The following SOX5 variants were observed in gnomAD, a reference collection of about 807,000 sequenced individuals.
SOX5 encodes the protein transcription factor SOX-5.
SOX5 carries 9 observed loss-of-function variants against 92.0 expected under a neutral mutation model. That is an observed-to-expected ratio of 0.10 (90% CI 0.06 to 0.17). SOX5 has a LOEUF of 0.17. Ranked by LOEUF, SOX5 falls within the 10% of genes least tolerant of loss-of-function variation. The probability of loss-of-function intolerance (pLI) is 1.00; values close to 1 mark genes in which losing one functional copy is unlikely to be tolerated. For missense variants in SOX5, 642 were observed against 944.5 expected, an observed-to-expected ratio of 0.68 and a Z score of 4.20; for synonymous variants, 344 against 336.3, an observed-to-expected ratio of 1.02 and a Z score of -0.25.
At chr12:23,882,530 T>C (rs2097006565) in intron 2 of SOX5, among the ~76,000 whole-genome samples, 1 of 152,168 alleles carries the variant, frequency 6.6e-6, no homozygotes, top group Admixed American at 6.5e-5. Flanking sequence ...TGTGTTGATA[T>C]TGTTATTTTT....
At chr12:23,894,904 G>A (rs899998021) in intron 2 of SOX5, among the ~76,000 whole-genome samples, 1 of 152,082 alleles carries the variant, frequency 6.6e-6, no homozygotes, top group Non-Finnish European at 1.5e-5. Context: ...AGTAGAAAAG[G>A]TGGAGCAGTC....
chr12:23,675,053 T>G (rs973587), intron 6 of SOX5, among the ~76,000 whole-genome samples: 111,638 of 151,972 alleles, frequency 0.73, 41,368 homozygotes, highest in East Asian at 0.91. Flanking sequence ...AAGAAAGATT[T>G]ATCATAAAAT....
At chr12:24,460,695 G>A (rs776349030) in intron 1 of SOX5, 6 of 152,138 alleles carry the variant, frequency 3.9e-5, no homozygotes, top group Non-Finnish European at 8.8e-5. Flanking sequence ...CTTCTCTCGA[G>A]CACTCCCTCG....
intron 6 of SOX5, among the ~76,000 whole-genome samples, chr12:23,720,613 T>TA (rs774540647): frequency 3.3e-5 from 5 of 151,268 alleles, no homozygotes; most frequent in African/African-American, 1.2e-4. Context: ...AAATGATCTT[T>TA]AAAAAAAAAT....
chr12:24,534,031 TC>T (rs1374531039), intron 1 of SOX5, among the ~76,000 whole-genome samples: 3 of 151,950 alleles, frequency 2.0e-5, no homozygotes, highest in Non-Finnish European at 4.4e-5. Context: ...TACCCACCAA[TC>T]ATTATAAAAA....
At chr12:24,179,833 C>T (rs2139261060) in intron 4 of SOX5, among the ~76,000 whole-genome samples, 1 of 151,984 alleles carries the variant, frequency 6.6e-6, no homozygotes, top group East Asian at 1.9e-4. Flanking sequence ...AAAGGTCAAC[C>T]CACCCATTGT....
chr12:23,875,286 T>TG lies in SOX5; in HGVS notation c.270+20506_270+20507insC, dbSNP rs1555399651. 3.9e-5 allele frequency among the ~76,000 whole-genome samples: 6 copies of TG among 151,912 alleles called. No homozygotes were observed. The East Asian group carries it at 7.7e-4, about 20-fold the overall frequency. ...AAGAGAAATTGTATATTAAACTTGC[T>TG]AAAAAAATTCAAAGATTAAAGAGAA... On this transcript the variant is annotated intron_variant, in intron 2 of 14. Transcript: ENST00000451604.
At chr12:23,864,513 A>G (rs961084705) in intron 2 of SOX5, among the ~76,000 whole-genome samples, 3 of 152,192 alleles carry the variant, frequency 2.0e-5, no homozygotes, top group African/African-American at 7.2e-5. Flanking sequence ...TCTCGAAGGA[A>G]ATAAAAGTAA....
intron 4 of SOX5, among the ~76,000 whole-genome samples, chr12:24,161,137 C>A (rs1952712501): frequency 6.6e-6 from 1 of 152,096 alleles, no homozygotes; most frequent in Non-Finnish European, 1.5e-5. Context: ...AAGTTTTAGT[C>A]CTGCCTGAAA....
intron 4 of SOX5, among the ~76,000 whole-genome samples, chr12:23,748,367 C>T (rs532976448): frequency 3.9e-4 from 60 of 152,004 alleles, no homozygotes; most frequent in African/African-American, 1.3e-3. Flanking sequence ...CAATTTTATG[C>T]ACAGGAATGA....
chr12:24,536,627 C>T (rs1951666296), intron 1 of SOX5, among the ~76,000 whole-genome samples: 1 of 152,086 alleles, frequency 6.6e-6, no homozygotes, highest in South Asian at 2.1e-4. Flanking sequence ...AAACTTCTGG[C>T]CCTAATTAAG....
At chr12:24,409,588 C>T (rs976046949) in intron 1 of SOX5, among the ~76,000 whole-genome samples, 7 of 151,988 alleles carry the variant, frequency 4.6e-5, no homozygotes, top group South Asian at 2.1e-4. Context: ...AGGTTATATA[C>T]GGCAGATGAA....
intron 1 of SOX5, among the ~76,000 whole-genome samples, chr12:24,491,355 G>C (rs142411201): frequency 0.018 from 2,756 of 152,144 alleles, 32 homozygotes; most frequent in Middle Eastern, 0.034. Flanking sequence ...AGCAGCCTTT[G>C]CCAGGGTATT....
At chr12:23,571,312 T>A (rs1265621147) in intron 10 of SOX5, among the ~76,000 whole-genome samples, 1 of 152,086 alleles carries the variant, frequency 6.6e-6, no homozygotes, top group East Asian at 1.9e-4. Context: ...TTTTACTGGG[T>A]CAATTTGCAT....
intron 1 of SOX5, chr12:24,407,384 T>C (rs1188694386): frequency 6.6e-6 from 1 of 152,180 alleles, no homozygotes; most frequent in East Asian, 1.9e-4. Flanking sequence ...CTCAGGCTGC[T>C]GATATGGTTA....
chr12:24,350,445 A>G (rs513135), intron 2 of SOX5, among the ~76,000 whole-genome samples: 51,333 of 152,050 alleles, frequency 0.34, 9,975 homozygotes, highest in East Asian at 0.79. Flanking sequence ...CCCAGGCTCA[A>G]GAATCCTCCC....
chr12:24,447,746 G>A (rs575237130), intron 1 of SOX5, among the ~76,000 whole-genome samples: 1 of 152,306 alleles, frequency 6.6e-6, no homozygotes, highest in African/African-American at 2.4e-5. Flanking sequence ...ATAAAAAGCA[G>A]AGAGGTCTTG....
chr12:24,240,307 G>T (rs1422292099), intron 3 of SOX5, among the ~76,000 whole-genome samples: 1 of 152,060 alleles, frequency 6.6e-6, no homozygotes, highest in Non-Finnish European at 1.5e-5. Context: ...CTGTTGTAAC[G>T]CCTCACTTGC....
chr12:24,163,014 T>C (rs917978548), intron 4 of SOX5, among the ~76,000 whole-genome samples: 2 of 152,112 alleles, frequency 1.3e-5, no homozygotes, highest in Non-Finnish European at 2.9e-5. Flanking sequence ...TCAGGCATGC[T>C]GTGAGCCTCT....
Sources: gnomAD v4.1 joint callset for allele counts (sites outside exome capture counted in the v4.1 genomes callset) on GRCh38, gnomAD v4.1.1 for gene constraint, MANE v1.5 for transcripts, NCBI Gene and HGNC (gene_info 2026-07-23, HGNC 2026-07-21) for gene names.